The following GULP1 variants were observed in gnomAD, a reference collection of about 807,000 sequenced individuals.
GULP1 encodes PTB domain-containing engulfment adapter protein 1.
A neutral mutation model predicts 40.9 loss-of-function variants in GULP1; 19 were observed. That is an observed-to-expected ratio of 0.46 (90% confidence interval 0.32 to 0.68). GULP1 has a LOEUF of 0.68. GULP1 is among the 30% of genes least tolerant of loss of function. The pLI is 0.03. For missense variants in GULP1, 312 were observed against 362.2 expected (o/e 0.86, Z 1.12); for synonymous variants, 119 against 117.6 (o/e 1.01, Z -0.08).
At chr2:188,363,809 A>T in intron 1 of GULP1, among the ~76,000 whole-genome samples, 1 of 152,146 alleles carries the variant, frequency 6.6e-6, no homozygotes, top group East Asian at 1.9e-4. Flanking sequence ...AATTTGAGAG[A>T]GGAGCAGCTT....
chr2:188,518,937 G>A (rs975760661), intron 4 of GULP1, among the ~76,000 whole-genome samples: 1 of 151,982 alleles, frequency 6.6e-6, no homozygotes, highest in Non-Finnish European at 1.5e-5. Flanking sequence ...TCTAAATCTC[G>A]AGCTTGTTCT....
At chr2:188,440,475 T>C (rs2152861597) in intron 2 of GULP1, among the ~76,000 whole-genome samples, 1 of 152,324 alleles carries the variant, frequency 6.6e-6, no homozygotes, top group Non-Finnish European at 1.5e-5. Flanking sequence ...GTATTTCAAC[T>C]TTGAAATAAC....
chr2:188,552,891 A>G (rs1269855462), intron 7 of GULP1, among the ~76,000 whole-genome samples: 1 of 150,260 alleles, frequency 6.7e-6, no homozygotes, highest in African/African-American at 2.4e-5. Flanking sequence ...GTATATACAT[A>G]TATGTGTTTA....
At chr2:188,423,261 G>T (rs1471974171) in intron 2 of GULP1, among the ~76,000 whole-genome samples, 2 of 151,976 alleles carry the variant, frequency 1.3e-5, no homozygotes, top group African/African-American at 4.8e-5. Flanking sequence ...TATTTTAAAA[G>T]ATGAAGAAAT....
chr2:188,549,184 T>A (rs1290443240), intron 7 of GULP1, among the ~76,000 whole-genome samples: 2 of 151,870 alleles, frequency 1.3e-5, no homozygotes, highest in African/African-American at 4.8e-5. Context: ...TATCATAAAG[T>A]AAAATATCTG....
At chr2:188,388,876 C>A (rs891059525) in intron 2 of GULP1, among the ~76,000 whole-genome samples, 9 of 152,194 alleles carry the variant, frequency 5.9e-5, no homozygotes, top group African/African-American at 1.9e-4. Flanking sequence ...TGTTGGCATG[C>A]AGATACTGAG....
intron 2 of GULP1, among the ~76,000 whole-genome samples, chr2:188,436,915 G>T (rs912692841): frequency 6.6e-6 from 1 of 151,920 alleles, no homozygotes; most frequent in Non-Finnish European, 1.5e-5. Flanking sequence ...TTTTGCACTT[G>T]GCACATACAT....
intron 4 of GULP1, among the ~76,000 whole-genome samples, chr2:188,521,204 A>T (rs930314627): frequency 1.7e-4 from 26 of 152,148 alleles, no homozygotes; most frequent in Non-Finnish European, 3.1e-4. Context: ...TATATATAGA[A>T]TTTTTTCTAG....
At chr2:188,445,126 A>T (rs2058271790) in intron 2 of GULP1, among the ~76,000 whole-genome samples, 1 of 151,824 alleles carries the variant, frequency 6.6e-6, no homozygotes, top group Non-Finnish European at 1.5e-5. Flanking sequence ...TGCATCCCAG[A>T]CTCTCCGATG....
chr2:188,498,745 CAA>C (rs1327007471), intron 4 of GULP1, among the ~76,000 whole-genome samples: 4 of 151,624 alleles, frequency 2.6e-5, no homozygotes, highest in African/African-American at 9.7e-5. Context: ...GTTCCCAACA[CAA>C]AGAAATGAAA....
chr2:188,535,776 C>T (rs545563641), intron 6 of GULP1, among the ~76,000 whole-genome samples: 1 of 152,098 alleles, frequency 6.6e-6, no homozygotes, highest in Admixed American at 6.5e-5. Context: ...CTCCAAACTT[C>T]TCTCCATAGT....
intron 1 of GULP1, among the ~76,000 whole-genome samples, chr2:188,354,661 T>C (rs1245967744): frequency 6.6e-6 from 1 of 152,186 alleles, no homozygotes; most frequent in Non-Finnish European, 1.5e-5. Context: ...TCTCCATGGC[T>C]AAGTCTCCCC....
chr2:188,401,140 A>C (rs1414798904), intron 2 of GULP1, among the ~76,000 whole-genome samples: 1 of 152,138 alleles, frequency 6.6e-6, no homozygotes, highest in African/African-American at 2.4e-5. Flanking sequence ...ATGGTACCTG[A>C]AATTGTTAGA....
intron 1 of GULP1, among the ~76,000 whole-genome samples, chr2:188,304,961 T>C (rs1415513090): frequency 2.0e-5 from 3 of 152,138 alleles, no homozygotes; most frequent in Non-Finnish European, 2.9e-5. Flanking sequence ...AATTCAATTC[T>C]GACATTATCT....
intron 1 of GULP1, among the ~76,000 whole-genome samples, chr2:188,368,937 GTGTATA>G (rs1205788334): frequency 6.6e-5 from 2 of 30,422 alleles, no homozygotes; most frequent in Non-Finnish European, 1.1e-4. Flanking sequence ...ATATATATGT[GTGTATA>G]TATATATATA....
Position 188,477,907 on chromosome 2 carries a change from T to C in GULP1, c.28+177T>C, listed in dbSNP as rs115341282. ...AATTAGCTTTCCTTAGTTATCACCC[T>C]AGTGAAAGATCAAAGTTGTTTATTA... On this transcript the variant is annotated intron_variant, in intron 3 of 11. Transcript: ENST00000409830. 5.9e-3 allele frequency among the ~76,000 whole-genome samples: 901 copies of C among 152,268 alleles called. 12 individuals carry two copies. The highest frequency in any genetic ancestry group is 0.021 in the African/African-American group (870 of 41,570).
chr2:188,319,018 T>C (rs1317097736), intron 1 of GULP1, among the ~76,000 whole-genome samples: 1 of 152,156 alleles, frequency 6.6e-6, no homozygotes, highest in Non-Finnish European at 1.5e-5. Context: ...GGGTGATATT[T>C]GTTTTCTAAA....
At chr2:188,525,564 G>A (rs2153229774) in intron 5 of GULP1, among the ~76,000 whole-genome samples, 1 of 152,224 alleles carries the variant, frequency 6.6e-6, no homozygotes, top group South Asian at 2.1e-4. Context: ...GTTGGGGGCT[G>A]AATGTATTTC....
At chr2:188,530,098 G>T (rs943721143) in intron 6 of GULP1, among the ~76,000 whole-genome samples, 3 of 152,128 alleles carry the variant, frequency 2.0e-5, no homozygotes, top group Admixed American at 6.6e-5. Context: ...CCTGTAATTG[G>T]CTGAAACTTA....
Sources: allele counts gnomAD v4.1 joint callset (sites outside exome capture counted in the v4.1 genomes callset), GRCh38; gene constraint gnomAD v4.1.1; transcripts MANE v1.5; gene names NCBI Gene and HGNC (gene_info 2026-07-23, HGNC 2026-07-21).